The following TTC28 variants were observed in gnomAD, a reference collection of about 807,000 sequenced individuals.
The protein encoded by TTC28 is tetratricopeptide repeat domain 28.
A neutral mutation model predicts 198.0 loss-of-function variants in TTC28; 61 were observed. The observed-to-expected ratio is 0.31, with a 90% CI of 0.25 to 0.38. TTC28 has a LOEUF of 0.38. TTC28 is among the 10% of genes least tolerant of loss of function. The pLI, the probability that TTC28 is intolerant of heterozygous loss-of-function variation, is 1.00. For synonymous variants in TTC28, 1,171 were observed against 1,297.8 expected (o/e 0.90, Z 2.10); for missense variants, 2,678 against 3,164.0 (o/e 0.85, Z 3.69).
intron 12 of TTC28, among the ~76,000 whole-genome samples, chr22:28,044,099 G>A (rs367897155): frequency 7.2e-5 from 11 of 152,192 alleles, no homozygotes; most frequent in Admixed American, 5.2e-4. Context: ...CAGGAGCTAA[G>A]AACAGTTTCT....
intron 5 of TTC28, among the ~76,000 whole-genome samples, chr22:28,190,373 G>C (rs1005903705): frequency 3.9e-5 from 6 of 152,188 alleles, no homozygotes; most frequent in East Asian, 1.9e-4. Context: ...TGCAGTGCTA[G>C]GATTTGAGCC....
chr22:28,102,679 G>T (rs531903481), intron 8 of TTC28, among the ~76,000 whole-genome samples: 1 of 152,148 alleles, frequency 6.6e-6, no homozygotes, highest in Non-Finnish European at 1.5e-5. Flanking sequence ...TGATCATGCT[G>T]GGCCTGTGCA....
intron 8 of TTC28, among the ~76,000 whole-genome samples, chr22:28,103,064 T>A (rs1942200143): frequency 6.6e-6 from 1 of 152,236 alleles, no homozygotes; most frequent in African/African-American, 2.4e-5. Flanking sequence ...AAACAGGGAC[T>A]TTGCTTTGTT....
chr22:28,286,495 T>G (rs1046918853), intron 5 of TTC28, among the ~76,000 whole-genome samples: 1 of 152,332 alleles, frequency 6.6e-6, no homozygotes, highest in South Asian at 2.1e-4. Flanking sequence ...ACCCACATTT[T>G]AAATGCTCAA....
At chr22:28,670,507 A>G (rs2051861490) in intron 1 of TTC28, among the ~76,000 whole-genome samples, 1 of 152,124 alleles carries the variant, frequency 6.6e-6, no homozygotes, top group Non-Finnish European at 1.5e-5. Flanking sequence ...ATCATGCCTC[A>G]GTACTTCTTC....
chr22:28,314,609 G>A (rs2045323020), intron 2 of TTC28, among the ~76,000 whole-genome samples: 1 of 152,124 alleles, frequency 6.6e-6, no homozygotes, highest in African/African-American at 2.4e-5. Flanking sequence ...CACCAGCAAT[G>A]GGGAAATCAC....
intron 12 of TTC28, among the ~76,000 whole-genome samples, chr22:28,048,540 C>T (rs1175698359): frequency 6.6e-6 from 1 of 152,132 alleles, no homozygotes; most frequent in Admixed American, 6.5e-5. Flanking sequence ...TAAAGCAAAA[C>T]CACAGACGTG....
At chr22:28,342,036 C>T (rs2045839851) in intron 2 of TTC28, among the ~76,000 whole-genome samples, 1 of 151,946 alleles carries the variant, frequency 6.6e-6, no homozygotes, top group Non-Finnish European at 1.5e-5. Flanking sequence ...GTAAATTTTG[C>T]TATTTATTTG....
At position 28,014,216 on chromosome 22, in the gene TTC28, G is replaced by A. The variant is rs370138388; in HGVS notation, c.4218+32C>T. On this transcript the variant is annotated intron_variant, in intron 14 of 22. Coordinates refer to ENST00000397906, the MANE Select transcript of TTC28 (RefSeq NM_001145418.2). The stretch of plus-strand genomic sequence containing the variant: ...ACTGGTAAGCGATGTGTTCTGATGC[G>A]GAGGAGCCTTGTGCCCCCAGGAGGT... 1,893 of 1,539,242 alleles carry A rather than the reference G, an allele frequency of 1.2e-3. 3 individuals carry two copies. Among genetic ancestry groups the A allele is most frequent in the Non-Finnish European group, 1.6e-3 (1,815 of 1,140,724 alleles).
chr22:28,425,390 C>G (rs1428084762), intron 2 of TTC28, among the ~76,000 whole-genome samples: 1 of 152,200 alleles, frequency 6.6e-6, no homozygotes, highest in East Asian at 1.9e-4. Context: ...AAGTCAGGCA[C>G]TATGTTGGGC....
intron 1 of TTC28, among the ~76,000 whole-genome samples, chr22:28,655,371 T>C (rs1276131056): frequency 1.3e-5 from 2 of 152,208 alleles, no homozygotes; most frequent in Non-Finnish European, 2.9e-5. Flanking sequence ...TGCCTTCATA[T>C]AGGAAACTGT....
intron 5 of TTC28, among the ~76,000 whole-genome samples, chr22:28,226,746 T>A (rs1329625700): frequency 6.6e-6 from 1 of 152,160 alleles, no homozygotes; most frequent in Admixed American, 6.5e-5. Context: ...CATTTTTTAA[T>A]GTTGTTTTTG....
intron 2 of TTC28, among the ~76,000 whole-genome samples, chr22:28,478,692 G>A (rs1192463181): frequency 1.3e-5 from 2 of 152,086 alleles, no homozygotes; most frequent in South Asian, 2.1e-4. Flanking sequence ...TGGTGGTGAT[G>A]AGCATATATG....
chr22:28,315,592 T>C (rs1413458386), intron 2 of TTC28, among the ~76,000 whole-genome samples: 3 of 152,224 alleles, frequency 2.0e-5, no homozygotes, highest in Non-Finnish European at 4.4e-5. Flanking sequence ...TTCATTTTTA[T>C]TTATATGAAT....
intron 2 of TTC28, among the ~76,000 whole-genome samples, chr22:28,423,823 G>A (rs2047303947): frequency 6.6e-6 from 1 of 152,150 alleles, no homozygotes; most frequent in African/African-American, 2.4e-5. Context: ...TGAGGTTGCT[G>A]GGGAGCCAGC....
intron 2 of TTC28, among the ~76,000 whole-genome samples, chr22:28,550,317 A>G (rs1039717941): frequency 6.6e-6 from 1 of 152,156 alleles, no homozygotes; most frequent in Non-Finnish European, 1.5e-5. Context: ...CTTTGAAAGC[A>G]CAAAATGTCA....
intron 2 of TTC28, among the ~76,000 whole-genome samples, chr22:28,618,329 A>T (rs1338071980): frequency 6.6e-6 from 1 of 152,124 alleles, no homozygotes; most frequent in African/African-American, 2.4e-5. Flanking sequence ...TAAGTTTTGG[A>T]GTGATTTTTT....
intron 12 of TTC28, among the ~76,000 whole-genome samples, chr22:28,064,316 GA>G (rs1408651252): frequency 6.6e-6 from 1 of 152,140 alleles, no homozygotes; most frequent in African/African-American, 2.4e-5. Context: ...AAATCAGAGG[GA>G]AAAGGATGAC....
intron 2 of TTC28, among the ~76,000 whole-genome samples, chr22:28,558,270 C>T (rs2049815553): frequency 6.6e-6 from 1 of 152,168 alleles, no homozygotes; most frequent in Non-Finnish European, 1.5e-5. Flanking sequence ...ATTTGTTATT[C>T]AGAGTTCATT....
Sources: allele counts gnomAD v4.1 joint callset (sites outside exome capture counted in the v4.1 genomes callset), GRCh38; gene constraint gnomAD v4.1.1; transcripts MANE v1.5; gene names NCBI Gene and HGNC (gene_info 2026-07-23, HGNC 2026-07-21).